The following IL11RA variants were observed in gnomAD, a reference collection of about 807,000 sequenced individuals.
The protein encoded by IL11RA is interleukin 11 receptor subunit alpha.
A neutral mutation model predicts 57.0 loss-of-function variants in IL11RA; 51 were observed. The observed-to-expected ratio is 0.89, with a 90% CI of 0.71 to 1.13. The LOEUF is 1.13. IL11RA is among the 50% of genes most tolerant of loss of function. The pLI is 0.00. For missense variants in IL11RA, 498 were observed against 539.4 expected (o/e 0.92, Z 0.76); for synonymous variants, 199 against 217.5 (o/e 0.91, Z 0.75).
chr9:34,652,423 G>T (rs1821272042), intron 1 of IL11RA, among the ~76,000 whole-genome samples, 190 bp downstream of exon 1: 1 of 152,208 alleles, frequency 6.6e-6, no homozygotes. Context: ...GTGACTGCGT[G>T]TGTCAGTGTG....
rs1411623860 is a variant in IL11RA at position 34,659,783 on chromosome 9, G to T, written c.835G>T (p.Val279Leu). ...STVEPAGLEEVITDAVAGLPH... is the reference protein window; with the variant it reads ...STVEPAGLEELITDAVAGLPH... ...GGTGGAGCCAGCTGGACTGGAGGAGGTGATCACAGATGCTGTGGCTGGGCT... is the reference window on the plus strand; with the variant it reads ...GGTGGAGCCAGCTGGACTGGAGGAGTTGATCACAGATGCTGTGGCTGGGCT... Residue 279 changes from valine (V) to leucine (L), a missense_variant, in exon 9 of 13, where the codon GTG (valine) becomes TTG (leucine). By Grantham distance (32) the Val-to-Leu change is conservative. Transcript: ENST00000441545. 1 of 1,614,090 alleles carries T rather than the reference G, an allele frequency of 6.2e-7. No homozygotes were observed. The highest frequency in any genetic ancestry group is 1.3e-5 in the African/African-American group (1 of 74,944).
chr9:34,657,592 G>A lies in IL11RA; in HGVS notation c.646+5G>A. 6.2e-7 allele frequency: 1 copy of A among 1,613,846 alleles called. No individual in the cohort carries two copies. Among genetic ancestry groups the A allele is most frequent in the Non-Finnish European group, 8.5e-7 (1 of 1,179,892 alleles). On this transcript the variant is annotated splice_donor_5th_base_variant and intron_variant, in intron 7 of 12. Coordinates refer to ENST00000441545, the MANE Select transcript of IL11RA (RefSeq NM_001142784.3). ...ATGTGAGCTTGCAGAGCATCTGTGAGTACCCACCCCAGACCTCCCCCAGAC... is the reference window on the plus strand; with the variant it reads ...ATGTGAGCTTGCAGAGCATCTGTGAATACCCACCCCAGACCTCCCCCAGAC...
intron 8 of IL11RA, among the ~76,000 whole-genome samples, chr9:34,659,154 A>G (rs1040899373): frequency 6.6e-6 from 1 of 152,054 alleles, no homozygotes; most frequent in African/African-American, 2.4e-5. Flanking sequence ...CGAACTCATG[A>G]CCTCACGATC....
Position 34,660,867 on chromosome 9 carries a change from C to CG in IL11RA, c.1187dup (p.Gly397TrpfsTer47). 1 of 1,614,012 alleles carries CG rather than the reference C, an allele frequency of 6.2e-7. No homozygotes were observed. The highest frequency in any genetic ancestry group is 1.1e-5 in the South Asian group (1 of 91,088). On this transcript the variant is annotated frameshift_variant, in exon 12 of 13. Transcript: ENST00000441545. LOFTEE classifies it high-confidence loss of function. ...TCTATGCCCCAGGCTGAGGCTGAGACGGGGTGGGAAGGATGGATCCCCAAA... is the reference window on the plus strand; with the variant it reads ...TCTATGCCCCAGGCTGAGGCTGAGACGGGGGTGGGAAGGATGGATCCCCAAA...
At chr9:34,657,693 C>T (rs867014864) in intron 7 of IL11RA, 106 bp downstream of exon 7, 14 of 1,116,344 alleles carry the variant, frequency 1.3e-5, no homozygotes, top group Middle Eastern at 5.6e-4. Context: ...ACCTAGACTC[C>T]ATTTCACACA....
At chr9:34,654,927 C>T (rs1821313379) in intron 1 of IL11RA, 2 of 379,156 alleles carry the variant, frequency 5.3e-6, no homozygotes, top group African/African-American at 4.2e-5. Context: ...CAGTCTGTTG[C>T]CTCCGGCTTT....
chr9:34,660,730 C>A, intron 11 of IL11RA, 124 bp from the exon 12 acceptor site: 2 of 1,166,746 alleles, frequency 1.7e-6, no homozygotes, highest in Non-Finnish European at 2.6e-6. Context: ...CTCCCCATAC[C>A]TCCATCCCCC....
chr9:34,655,704 C>G (rs755667498), intron 3 of IL11RA, 39 bp downstream of exon 3: 15 of 1,586,612 alleles, frequency 9.5e-6, no homozygotes, highest in Non-Finnish European at 1.3e-5. Context: ...ACACTCATGA[C>G]CCTTTCTTGA....
At position 34,658,965 on chromosome 9, in the gene IL11RA, C is replaced by T. The variant is rs570043937; in HGVS notation, c.810+282C>T. On this transcript the variant is annotated intron_variant, in intron 8 of 12. Coordinates refer to ENST00000441545, the MANE Select transcript of IL11RA (RefSeq NM_001142784.3). This position sits in a 1 kb window ranked among gnomAD's most constrained non-coding sequence, Gnocchi z 4.0. ...TTTGAGAGGGAGTCTCGCTCTGTCA[C>T]CTAGGCTGGAGTGCAGTGGTGCAAT... is the stretch of plus-strand genomic sequence containing the variant. Among the ~76,000 whole-genome samples, 56 of 152,164 alleles carry T rather than the reference C, an allele frequency of 3.7e-4. No individual in the cohort carries two copies. The highest frequency in any genetic ancestry group is 1.3e-3 in the African/African-American group (53 of 41,506).
intron 1 of IL11RA, chr9:34,654,994 C>CGG: frequency 8.4e-6 from 4 of 475,034 alleles, no homozygotes; most frequent in Admixed American, 3.2e-5. Flanking sequence ...TGTGTGTGTC[C>CGG]GTGTGTGTGT....
intron 3 of IL11RA, among the ~76,000 whole-genome samples, chr9:34,656,368 T>G (rs1411560186): frequency 2.0e-5 from 3 of 152,182 alleles, no homozygotes; most frequent in Non-Finnish European, 4.4e-5. Flanking sequence ...GAAAGGTCTC[T>G]CTGAGGAGAT....
In IL11RA at chr9:34,657,552, G is replaced by A. The variant is rs951713942; in HGVS notation, c.611G>A (p.Ser204Asn). The A allele has an allele frequency of 3.7e-6, 6 of 1,614,060 alleles. No individual in the cohort carries two copies. In the African/African-American group the frequency reaches 6.7e-5, roughly 18 times the overall value. Residue 204 changes from serine (S) to asparagine (N), a missense_variant, in exon 7 of 13, where the codon AGC (serine) becomes AAC (asparagine). Physicochemically the swap from Ser to Asn is conservative, Grantham distance 46. Coordinates refer to ENST00000441545, the MANE Select transcript of IL11RA (RefSeq NM_001142784.3). ...ACTGAGGTGAACCCACTGGGTGCCA[G>A]CACACGCCTGCTGGATGTGAGCTTG... ...NVTEVNPLGA[S>N]TRLLDVSLQS...
Position 34,657,323 on chromosome 9 carries a change from C to G in IL11RA, c.467C>G (p.Ala156Gly), listed in dbSNP as rs201353728. 51 of 1,614,050 alleles carry G rather than the reference C, an allele frequency of 3.2e-5. No individual in the cohort carries two copies. The Admixed American group carries it at 8.5e-4, about 27-fold the overall frequency. Residue 156 changes from alanine (A) to glycine (G), a missense_variant, in exon 6 of 13, where the codon GCT becomes GGT. Ala to Gly is a moderately conservative substitution (Grantham distance 60). Coordinates refer to ENST00000441545, the MANE Select transcript of IL11RA (RefSeq NM_001142784.3). ...TSYRKKTVLG[A>G]DSQRRSPSTG... is the part of the protein sequence containing the mutation. Reference sequence around the variant, plus strand: ...ACCAGGAAGAAGACAGTCCTAGGAGCTGATAGCCAGAGGTAGGACGTGAGG... The same window carrying G: ...ACCAGGAAGAAGACAGTCCTAGGAGGTGATAGCCAGAGGTAGGACGTGAGG...
rs2772568 is a variant in IL11RA at position 34,653,023 on chromosome 9, T to C, written c.-1+790T>C. The stretch of plus-strand genomic sequence containing the variant: ...TGCATTTCCAGTTTTGCCTTTCCTT[T>C]CTCTCTGTCTCTCTCTGTGCCCCTA... On this transcript the variant is annotated intron_variant, in intron 1 of 12. Transcript: ENST00000441545. The surrounding 1 kb of genome is among the most constrained non-coding windows in gnomAD (Gnocchi z 4.5). Among the ~76,000 whole-genome samples the C allele has an allele frequency of 0.98, 149,505 of 152,192 alleles. 73,483 individuals are homozygous for C. The highest frequency in any genetic ancestry group is 1 in the East Asian group (5,178 of 5,178).
chr9:34,654,555 C>T (rs1821305507), intron 1 of IL11RA, among the ~76,000 whole-genome samples: 1 of 152,184 alleles, frequency 6.6e-6, no homozygotes, highest in African/African-American at 2.4e-5. Context: ...CCAGCCTGCA[C>T]CCTAGCCCCA....
chr9:34,658,789 C>A lies in IL11RA; in HGVS notation c.810+106C>A. ...CCAGTGCTGGCAGGTCACTGAAGAC[C>A]CAACACTTCCCTGTGGGCCAGGCTT... On this transcript the variant is annotated intron_variant, in intron 8 of 12. Transcript: ENST00000441545. The surrounding 1 kb of genome is among the most constrained non-coding windows in gnomAD (Gnocchi z 4.0). 8.0e-7 allele frequency: 1 copy of A among 1,254,064 alleles called. No homozygotes were observed. Among genetic ancestry groups the A allele is most frequent in the Non-Finnish European group, 1.1e-6 (1 of 874,390 alleles). The allele number at this position is 1,254,064 out of a possible 1,614,324, so 77.7% of individuals were successfully genotyped here. A position where few individuals can be genotyped will look rare whatever the true frequency, so the allele number is the denominator to read the frequency against.
chr9:34,659,557 C>T (rs985525936), intron 8 of IL11RA, among the ~76,000 whole-genome samples: 2 of 152,176 alleles, frequency 1.3e-5, no homozygotes, highest in Non-Finnish European at 2.9e-5. Flanking sequence ...CTGCCTGATG[C>T]CACAGCCTCT....
chr9:34,660,011 G>A (rs1821422277), intron 9 of IL11RA, 111 bp downstream of exon 9: 1 of 1,397,078 alleles, frequency 7.2e-7, no homozygotes, highest in East Asian at 2.5e-5. Flanking sequence ...CACAGGCACG[G>A]CAATTGCTGT....
At chr9:34,660,157 A>T (rs112044330) in intron 9 of IL11RA, 117 bp from the exon 10 acceptor site, 2 of 1,488,306 alleles carry the variant, frequency 1.3e-6, no homozygotes, top group African/African-American at 1.4e-5. Flanking sequence ...GCCATGCCCT[A>T]TCAGGCTCCT....
Sources: allele counts gnomAD v4.1 joint callset (sites outside exome capture counted in the v4.1 genomes callset), GRCh38; gene constraint gnomAD v4.1.1; non-coding constraint Gnocchi (gnomAD v3.1); transcripts MANE v1.5; gene names NCBI Gene and HGNC (gene_info 2026-07-23, HGNC 2026-07-21).